Variants in MDGA2 observed in about 807,000 individuals in gnomAD.
MDGA2 encodes MAM domain containing glycosylphosphatidylinositol anchor 2, also known as MAM domain-containing glycosylphosphatidylinositol anchor protein 2.
A neutral mutation model predicts 117.8 loss-of-function variants in MDGA2; 40 were observed. The observed-to-expected ratio is 0.34, with a 90% CI of 0.26 to 0.44. The LOEUF is 0.44. Ranked by LOEUF, MDGA2 falls within the 20% of genes least tolerant of loss-of-function variation. The probability of loss-of-function intolerance (pLI) is 1.00; values close to 1 mark genes in which losing one functional copy is unlikely to be tolerated. For missense variants in MDGA2, 1,123 were observed against 1,250.6 expected, an observed-to-expected ratio of 0.90 and a Z score of 1.54; for synonymous variants, 452 against 439.0, an observed-to-expected ratio of 1.03 and a Z score of -0.37.
In MDGA2 at chr14:47,139,510, T is replaced by C. The variant is rs117329570; in HGVS notation, c.792+4568A>G. Among the ~76,000 whole-genome samples, 1,060 of 151,992 alleles carry C rather than the reference T, an allele frequency of 7.0e-3. 6 individuals are homozygous for C. Among genetic ancestry groups the C allele is most frequent in the Non-Finnish European group, 8.4e-3 (571 of 67,902 alleles). The stretch of plus-strand genomic sequence containing the variant: ...GTGACCTCTGTGTCTCTGGAAAAGG[T>C]ATGCCCATATCTTGAATATACTAGA... On this transcript the variant is annotated intron_variant, in intron 4 of 16. Coordinates refer to ENST00000399232, the MANE Select transcript of MDGA2 (RefSeq NM_001113498.3).
intron 3 of MDGA2, among the ~76,000 whole-genome samples, chr14:47,177,181 G>T (rs1884496308): frequency 6.6e-6 from 1 of 152,158 alleles, no homozygotes; most frequent in South Asian, 2.1e-4. Context: ...GGAGAAATAG[G>T]AACACTTTTA....
chr14:47,360,120 G>A (rs1333372368), intron 1 of MDGA2, among the ~76,000 whole-genome samples: 1 of 152,066 alleles, frequency 6.6e-6, no homozygotes, highest in Non-Finnish European at 1.5e-5. Flanking sequence ...GGGAGGCTGA[G>A]GTGGGCGGAT....
intron 1 of MDGA2, among the ~76,000 whole-genome samples, chr14:47,524,608 G>T (rs1311748940): frequency 6.6e-6 from 1 of 152,126 alleles, no homozygotes; most frequent in Non-Finnish European, 1.5e-5. Flanking sequence ...CCATTTAGTG[G>T]CGATGAATTA....
At chr14:47,600,345 A>G (rs1896624518) in intron 1 of MDGA2, among the ~76,000 whole-genome samples, 1 of 151,938 alleles carries the variant, frequency 6.6e-6, no homozygotes, top group Admixed American at 6.6e-5. Context: ...GAGGCATGAG[A>G]AACACTTGAA....
chr14:46,844,431 A>T (rs1343046602), intron 16 of MDGA2, among the ~76,000 whole-genome samples: 1 of 152,030 alleles, frequency 6.6e-6, no homozygotes, highest in African/African-American at 2.4e-5. Context: ...AATACAAAAA[A>T]TTAGCGGGGT....
At chr14:46,927,684 C>T (rs907182908) in intron 9 of MDGA2, among the ~76,000 whole-genome samples, 4 of 152,096 alleles carry the variant, frequency 2.6e-5, no homozygotes, top group Non-Finnish European at 4.4e-5. Flanking sequence ...AGGTAAAGCG[C>T]GTTTGTACTT....
At chr14:47,470,979 T>C (rs1327679194) in intron 1 of MDGA2, among the ~76,000 whole-genome samples, 5 of 152,174 alleles carry the variant, frequency 3.3e-5, no homozygotes, top group South Asian at 2.1e-4. Context: ...TTATAAGTGT[T>C]ATCTGAAGGT....
At chr14:47,375,539 T>TA (rs910994541) in intron 1 of MDGA2, among the ~76,000 whole-genome samples, 28 of 151,938 alleles carry the variant, frequency 1.8e-4, no homozygotes, top group Admixed American at 1.8e-3. Flanking sequence ...TGTCAGACCT[T>TA]AAAAAAAAGA....
chr14:47,124,576 T>C (rs1340918787), intron 5 of MDGA2, among the ~76,000 whole-genome samples: 2 of 152,102 alleles, frequency 1.3e-5, no homozygotes, highest in Admixed American at 1.3e-4. Flanking sequence ...TTCAGTAATT[T>C]GGGAGTATTA....
At chr14:46,919,014 G>A (rs1308757361) in intron 10 of MDGA2, among the ~76,000 whole-genome samples, 2 of 151,932 alleles carry the variant, frequency 1.3e-5, no homozygotes, top group African/African-American at 4.8e-5. Flanking sequence ...CGCCCGCCTC[G>A]GCCTCCTAAA....
intron 1 of MDGA2, among the ~76,000 whole-genome samples, chr14:47,454,692 T>A (rs1297841928): frequency 6.6e-6 from 1 of 152,204 alleles, no homozygotes; most frequent in African/African-American, 2.4e-5. Flanking sequence ...GTTTGAGATG[T>A]TAGCTTATGG....
At chr14:47,102,146 T>G (rs1332456276) in intron 5 of MDGA2, among the ~76,000 whole-genome samples, 1 of 152,132 alleles carries the variant, frequency 6.6e-6, no homozygotes, top group Non-Finnish European at 1.5e-5. Flanking sequence ...AGACTTTGGC[T>G]CTCTGTACAT....
At chr14:47,168,464 T>C (rs978614176) in intron 3 of MDGA2, among the ~76,000 whole-genome samples, 2 of 152,044 alleles carry the variant, frequency 1.3e-5, no homozygotes, top group African/African-American at 2.4e-5. Flanking sequence ...TTCTTTTAAG[T>C]TGGGTATTCT....
At chr14:47,269,698 G>A (rs1281666947) in intron 2 of MDGA2, among the ~76,000 whole-genome samples, 1 of 152,090 alleles carries the variant, frequency 6.6e-6, no homozygotes, top group Non-Finnish European at 1.5e-5. Flanking sequence ...AGAGCATAAT[G>A]TTTTTTCAGA....
At chr14:47,166,922 T>C (rs924220704) in intron 3 of MDGA2, among the ~76,000 whole-genome samples, 2 of 152,104 alleles carry the variant, frequency 1.3e-5, no homozygotes, top group Non-Finnish European at 2.9e-5. Context: ...GACAAGACAG[T>C]GTGTGTGTCA....
intron 2 of MDGA2, among the ~76,000 whole-genome samples, chr14:47,266,637 C>T (rs1273308280): frequency 1.3e-5 from 2 of 152,108 alleles, no homozygotes; most frequent in African/African-American, 4.8e-5. Context: ...AGGATCTGTT[C>T]CCTATAATCT....
intron 5 of MDGA2, among the ~76,000 whole-genome samples, chr14:47,103,819 T>C (rs568522119): frequency 6.6e-6 from 1 of 152,368 alleles, no homozygotes; most frequent in Admixed American, 6.5e-5. Flanking sequence ...GATGAATGCC[T>C]TTAGGCATTG....
At chr14:47,180,268 AGT>A (rs1246352704) in intron 3 of MDGA2, among the ~76,000 whole-genome samples, 1 of 152,094 alleles carries the variant, frequency 6.6e-6, no homozygotes, top group Non-Finnish European at 1.5e-5. Context: ...CCCACTTTTA[AGT>A]AAAAGGAGAT....
At chr14:46,959,509 A>G in intron 8 of MDGA2, among the ~76,000 whole-genome samples, 1 of 151,302 alleles carries the variant, frequency 6.6e-6, no homozygotes, top group South Asian at 2.1e-4. Flanking sequence ...ATTTTTTAGG[A>G]TTTTTTTTAA....
Sources: gnomAD v4.1 joint callset for allele counts (sites outside exome capture counted in the v4.1 genomes callset) on GRCh38, gnomAD v4.1.1 for gene constraint, MANE v1.5 for transcripts, NCBI Gene and HGNC (gene_info 2026-07-23, HGNC 2026-07-21) for gene names.